The following CRACD variants were observed in gnomAD, a reference collection of about 807,000 sequenced individuals.
The protein encoded by CRACD is capping protein inhibiting regulator of actin dynamics, also known as capping protein-inhibiting regulator of actin dynamics.
Under a neutral mutation model 106.8 loss-of-function variants are expected in CRACD, and 56 were observed. The ratio of observed to expected loss-of-function variants is 0.52; its 90% CI spans 0.42 to 0.66. CRACD has a LOEUF of 0.66. Among genes scored for constraint, CRACD ranks in the 30% least tolerant of loss-of-function variants. CRACD has a pLI of 0.00. For synonymous variants in CRACD, 754 were observed against 670.8 expected (o/e 1.12, Z -1.92); for missense variants, 1,730 against 1,623.2 (o/e 1.07, Z -1.13).
chr4:56,275,079 A>G (rs956742417), intron 3 of CRACD, among the ~76,000 whole-genome samples: 2 of 152,198 alleles, frequency 1.3e-5, no homozygotes, highest in East Asian at 1.9e-4. Flanking sequence ...GAGCTAAATG[A>G]TGAGAACTCA....
chr4:56,145,217 T>C (rs1735341814), intron 1 of CRACD, among the ~76,000 whole-genome samples: 1 of 152,248 alleles, frequency 6.6e-6, no homozygotes, highest in South Asian at 2.1e-4. Context: ...ATTTTCTCAT[T>C]GATTCTTGAT....
chr4:56,110,282 G>A (rs145576587), intron 1 of CRACD, among the ~76,000 whole-genome samples: 5 of 152,318 alleles, frequency 3.3e-5, no homozygotes, highest in African/African-American at 1.2e-4. Context: ...AAATGTGTCT[G>A]AGGGTGGAAG....
chr4:56,077,091 A>G (rs1381687577), intron 1 of CRACD, among the ~76,000 whole-genome samples: 2 of 152,212 alleles, frequency 1.3e-5, no homozygotes, highest in African/African-American at 4.8e-5. Flanking sequence ...ATATTAGTCC[A>G]TTCTCATGCT....
chr4:56,319,110 G>A (rs1745880061), intron 8 of CRACD, among the ~76,000 whole-genome samples: 1 of 152,042 alleles, frequency 6.6e-6, no homozygotes, highest in Admixed American at 6.6e-5. Flanking sequence ...TAGTTAAAAG[G>A]AGATATAAAC....
chr4:56,114,779 A>G (rs1018557193), intron 1 of CRACD, among the ~76,000 whole-genome samples: 106 of 152,230 alleles, frequency 7.0e-4, no homozygotes, highest in Middle Eastern at 3.4e-3. Flanking sequence ...CACTTGTTGC[A>G]TTTACATATT....
chr4:56,106,052 TGTA>T (rs1466674061), intron 1 of CRACD, among the ~76,000 whole-genome samples: 1 of 152,166 alleles, frequency 6.6e-6, no homozygotes, highest in Non-Finnish European at 1.5e-5. Context: ...TTAACTATGC[TGTA>T]GCTTAGTCTC....
intron 1 of CRACD, among the ~76,000 whole-genome samples, chr4:56,060,826 C>G (rs1732244917): frequency 6.6e-6 from 1 of 152,124 alleles, no homozygotes; most frequent in Non-Finnish European, 1.5e-5. Flanking sequence ...CCAGAGAGAG[C>G]TCCCTCACCC....
rs369639860 is a variant in CRACD at position 56,214,617 on chromosome 4, C to T, written c.-189+35187C>T. ...GGAGAAAAAAAAAAGAGACATATCGCACCACTGCCCTCCAGCCTGGCGACA... is the reference window on the plus strand; with the variant it reads ...GGAGAAAAAAAAAAGAGACATATCGTACCACTGCCCTCCAGCCTGGCGACA... On this transcript the variant is annotated intron_variant, in intron 2 of 10. Transcript: ENST00000682029. Among the ~76,000 whole-genome samples the T allele has an allele frequency of 2.0e-5, 3 of 149,756 alleles. No homozygotes were observed. The East Asian group carries it at 6.0e-4, about 30-fold the overall frequency.
In CRACD at chr4:56,137,533, A is replaced by G. The variant is rs140367595; in HGVS notation, c.-335-41751A>G. Among the ~76,000 whole-genome samples, 223 of 152,292 alleles carry G rather than the reference A, an allele frequency of 1.5e-3. 1 individual carries two copies. Among genetic ancestry groups the G allele is most frequent in the African/African-American group, 5.0e-3 (207 of 41,550 alleles). ...TCTCTCAGGGGTCACTGCCCTACAC[A>G]CTGTTGTCTAGTGCCTAAAAACATT... On this transcript the variant is annotated intron_variant, in intron 1 of 10. Transcript: ENST00000682029.
intron 2 of CRACD, among the ~76,000 whole-genome samples, chr4:56,257,706 CATAGT>C (rs1252664907): frequency 4.6e-5 from 7 of 152,030 alleles, no homozygotes; most frequent in Admixed American, 4.6e-4. Flanking sequence ...GTGGGGGCAA[CATAGT>C]AGATCTTCCA....
chr4:56,255,442 TC>T (rs1246196570), intron 2 of CRACD, among the ~76,000 whole-genome samples: 1 of 151,848 alleles, frequency 6.6e-6, no homozygotes, highest in African/African-American at 2.4e-5. Context: ...TTTTAACAGT[TC>T]ATGGTTCAAA....
At chr4:56,151,106 C>T (rs1043751351) in intron 1 of CRACD, among the ~76,000 whole-genome samples, 12 of 152,174 alleles carry the variant, frequency 7.9e-5, no homozygotes, top group Non-Finnish European at 1.5e-4. Flanking sequence ...CAGCAATTCT[C>T]CTGCCTCAGC....
rs111811548 is a variant in CRACD at position 56,265,403 on chromosome 4, G to GGTGTGT, written c.-188-6883_-188-6878dup. On this transcript the variant is annotated intron_variant, in intron 2 of 10. Transcript: ENST00000682029. The stretch of plus-strand genomic sequence containing the variant: ...AGTGTACTCAGGGGTATAGAGGAGG[G>GGTGTGT]GTGTGTGTGTGTGTGTGTGTGTGTG... Among the ~76,000 whole-genome samples the GGTGTGT allele has an allele frequency of 3.2e-4, 25 of 77,442 alleles. 1 individual carries two copies. The highest frequency in any genetic ancestry group is 1.5e-3 in the East Asian group (2 of 1,338). The allele number at this position is 77,442 out of a possible 152,430, so 50.8% of individuals were successfully genotyped here. A position where few individuals can be genotyped will look rare whatever the true frequency, so the allele number is the denominator to read the frequency against.
chr4:56,127,178 A>G (rs541630476), intron 1 of CRACD, among the ~76,000 whole-genome samples: 22 of 152,292 alleles, frequency 1.4e-4, no homozygotes, highest in African/African-American at 5.1e-4. Flanking sequence ...TCCCCTCTGG[A>G]GGACACAGCA....
At chr4:56,253,866 T>A (rs1741188447) in intron 2 of CRACD, among the ~76,000 whole-genome samples, 2 of 152,164 alleles carry the variant, frequency 1.3e-5, no homozygotes, top group Admixed American at 6.6e-5. Context: ...ACAAAAGCAG[T>A]TTCCAACCAT....
intron 6 of CRACD, among the ~76,000 whole-genome samples, chr4:56,312,382 C>G (rs1013525617): frequency 2.0e-5 from 3 of 152,126 alleles, no homozygotes; most frequent in African/African-American, 7.2e-5. Flanking sequence ...AGACTGGTCT[C>G]GAACTCCTGG....
intron 1 of CRACD, among the ~76,000 whole-genome samples, chr4:56,176,023 A>T (rs1465070215): frequency 6.6e-6 from 1 of 152,190 alleles, no homozygotes; most frequent in East Asian, 1.9e-4. Flanking sequence ...AGCATCATTT[A>T]TTGAAGAGAC....
intron 4 of CRACD, among the ~76,000 whole-genome samples, chr4:56,305,966 G>T (rs939363606): frequency 6.6e-6 from 1 of 152,174 alleles, no homozygotes; most frequent in Non-Finnish European, 1.5e-5. Flanking sequence ...CTGGAAGAAA[G>T]AAGTACAAAG....
At chr4:56,265,246 A>T (rs565302728) in intron 2 of CRACD, among the ~76,000 whole-genome samples, 1 of 152,320 alleles carries the variant, frequency 6.6e-6, no homozygotes, top group East Asian at 1.9e-4. Flanking sequence ...GGATCACAAA[A>T]TTCTCCTTAA....
Sources: allele counts gnomAD v4.1 joint callset (sites outside exome capture counted in the v4.1 genomes callset), GRCh38; gene constraint gnomAD v4.1.1; transcripts MANE v1.5; gene names NCBI Gene and HGNC (gene_info 2026-07-23, HGNC 2026-07-21).